Variants in JARID2 observed in about 807,000 individuals in gnomAD.
The protein encoded by JARID2 is jumonji and AT-rich interaction domain containing 2.
A neutral mutation model predicts 125.6 loss-of-function variants in JARID2; 21 were observed. The ratio of observed to expected loss-of-function variants is 0.17; its 90% confidence interval spans 0.12 to 0.24. The LOEUF is 0.24. Ranked by LOEUF, JARID2 falls within the 10% of genes least tolerant of loss-of-function variation. The probability of loss-of-function intolerance (pLI) is 1.00; values close to 1 mark genes in which losing one functional copy is unlikely to be tolerated. For synonymous variants in JARID2, 736 were observed against 661.6 expected (o/e 1.11, Z -1.73); for missense variants, 1,303 against 1,639.6 (o/e 0.79, Z 3.55).
At chr6:15,428,635 G>A (rs1422452239) in intron 3 of JARID2, among the ~76,000 whole-genome samples, 1 of 152,164 alleles carries the variant, frequency 6.6e-6, no homozygotes, top group Non-Finnish European at 1.5e-5. Context: ...GCCAGGCATG[G>A]TGGCTAATGC....
chr6:15,519,168 G>C (rs951254992), intron 17 of JARID2, among the ~76,000 whole-genome samples: 1 of 152,214 alleles, frequency 6.6e-6, no homozygotes, highest in Non-Finnish European at 1.5e-5. Context: ...GCACACTGCC[G>C]CTCCTCCTCA....
chr6:15,431,088 C>T (rs1766947646), intron 3 of JARID2, among the ~76,000 whole-genome samples: 1 of 152,142 alleles, frequency 6.6e-6, no homozygotes, highest in Non-Finnish European at 1.5e-5. Context: ...CTTTCTGGAG[C>T]TTGTAGTTTT....
At chr6:15,451,075 A>G (rs1441584303) in intron 3 of JARID2, among the ~76,000 whole-genome samples, 1 of 152,232 alleles carries the variant, frequency 6.6e-6, no homozygotes, top group Non-Finnish European at 1.5e-5. Flanking sequence ...AGGTAGGAGA[A>G]TCGCTTGAAC....
At chr6:15,431,744 C>T (rs1169299385) in intron 3 of JARID2, among the ~76,000 whole-genome samples, 1 of 152,160 alleles carries the variant, frequency 6.6e-6, no homozygotes, top group Non-Finnish European at 1.5e-5. Flanking sequence ...TGGATAATGA[C>T]CCCATAGATT....
chr6:15,496,121 C>T lies in JARID2; in HGVS notation c.907-11C>T, dbSNP rs1481222661. Reference sequence around the variant, plus strand: ...GCGTTTTTTTCCACCTCTGCTTCTGCTGCTCCACAGGTTTCTAAGGTAAAC... The same window carrying T: ...GCGTTTTTTTCCACCTCTGCTTCTGTTGCTCCACAGGTTTCTAAGGTAAAC... On this transcript the variant is annotated splice_polypyrimidine_tract_variant and intron_variant, in intron 6 of 17. Transcript: ENST00000341776. The T allele has an allele frequency of 6.3e-7, 1 of 1,593,418 alleles. No homozygotes were observed. The highest frequency in any genetic ancestry group is 8.6e-7 in the Non-Finnish European group (1 of 1,167,948).
chr6:15,418,152 C>T (rs892940948), intron 3 of JARID2, among the ~76,000 whole-genome samples: 1 of 151,686 alleles, frequency 6.6e-6, no homozygotes, highest in East Asian at 1.9e-4. Flanking sequence ...GTCATTGCTT[C>T]ACCTTAGGGA....
chr6:15,248,933 C>A, intron 1 of JARID2: 3 of 985,828 alleles, frequency 3.0e-6, no homozygotes, highest in South Asian at 4.7e-5. Context: ...CGGCCTCTGC[C>A]TTCCGCTCCG....
At chr6:15,288,840 T>G (rs1761098224) in intron 1 of JARID2, among the ~76,000 whole-genome samples, 1 of 152,258 alleles carries the variant, frequency 6.6e-6, no homozygotes, top group Non-Finnish European at 1.5e-5. Flanking sequence ...GTTACAATGG[T>G]GAATCTTACT....
At chr6:15,468,430 A>G in intron 4 of JARID2, 112 bp from the exon 5 acceptor site, 1 of 879,234 alleles carries the variant, frequency 1.1e-6, no homozygotes, top group Non-Finnish European at 1.7e-6. Flanking sequence ...AAATGGCAGT[A>G]GAGATCAGTT....
intron 1 of JARID2, among the ~76,000 whole-genome samples, chr6:15,281,338 A>G (rs763085804): frequency 1.1e-4 from 16 of 152,248 alleles, no homozygotes; most frequent in Non-Finnish European, 2.1e-4. Flanking sequence ...TGCTATTAAG[A>G]TAATAACTTT....
intron 1 of JARID2, chr6:15,315,092 A>G (rs889150963): frequency 1.3e-5 from 2 of 152,220 alleles, no homozygotes; most frequent in Non-Finnish European, 2.9e-5. Context: ...ATCCTTACCA[A>G]TATGTTTTGA....
intron 1 of JARID2, among the ~76,000 whole-genome samples, chr6:15,253,870 A>G (rs1210301704): frequency 6.6e-6 from 1 of 152,182 alleles, no homozygotes; most frequent in African/African-American, 2.4e-5. Context: ...TTTTGAGTCC[A>G]TTTTATAGAT....
intron 1 of JARID2, among the ~76,000 whole-genome samples, chr6:15,252,325 T>C (rs1326694120): frequency 1.3e-5 from 2 of 152,180 alleles, no homozygotes; most frequent in African/African-American, 4.8e-5. Context: ...TTTTAAAAAT[T>C]GTTTGTTATC....
At chr6:15,497,290 T>C (rs1223026108) in intron 7 of JARID2, 120 bp downstream of exon 7, 4 of 769,240 alleles carry the variant, frequency 5.2e-6, no homozygotes, top group Non-Finnish European at 8.3e-6. Context: ...CTTCCCTGTC[T>C]CGGGAGTAGT....
At chr6:15,484,602 C>T (rs1424365747) in intron 5 of JARID2, among the ~76,000 whole-genome samples, 6 of 152,112 alleles carry the variant, frequency 3.9e-5, no homozygotes, top group South Asian at 2.1e-4. Flanking sequence ...TTCTACCTAC[C>T]GGAACATCTG....
intron 1 of JARID2, among the ~76,000 whole-genome samples, chr6:15,325,137 G>A (rs1762496428): frequency 6.6e-6 from 1 of 151,644 alleles, no homozygotes; most frequent in Admixed American, 6.6e-5. Flanking sequence ...CTTCAAACAT[G>A]GTTTTTCTTC....
chr6:15,265,872 A>C (rs1052434678), intron 1 of JARID2, among the ~76,000 whole-genome samples: 1 of 152,078 alleles, frequency 6.6e-6, no homozygotes, highest in African/African-American at 2.4e-5. Flanking sequence ...TTCTCCACTC[A>C]GGGGTCTCTG....
At chr6:15,265,675 G>A (rs1432825358) in intron 1 of JARID2, among the ~76,000 whole-genome samples, 1 of 152,168 alleles carries the variant, frequency 6.6e-6, no homozygotes, top group Non-Finnish European at 1.5e-5. Flanking sequence ...GGAGTATTCT[G>A]CAGGGCTCTC....
intron 1 of JARID2, among the ~76,000 whole-genome samples, chr6:15,281,933 T>C (rs1460126917): frequency 4.7e-5 from 5 of 107,272 alleles, no homozygotes; most frequent in Admixed American, 1.6e-4. Flanking sequence ...TCTGTGTGTG[T>C]GTGTGTGTGT....
Sources: gnomAD v4.1 joint callset for allele counts (sites outside exome capture counted in the v4.1 genomes callset) on GRCh38, gnomAD v4.1.1 for gene constraint, MANE v1.5 for transcripts, NCBI Gene and HGNC (gene_info 2026-07-23, HGNC 2026-07-21) for gene names.